SLC24A2: variants seen among roughly 807,000 people sequenced by gnomAD.
SLC24A2 encodes the protein solute carrier family 24 member 2.
Under a neutral mutation model 62.0 loss-of-function variants are expected in SLC24A2, and 36 were observed. The observed-to-expected ratio is 0.58, with a 90% CI of 0.44 to 0.77. SLC24A2 has a LOEUF of 0.77. Ranked by LOEUF, SLC24A2 falls within the 30% of genes least tolerant of loss-of-function variation. SLC24A2 has a pLI of 0.00. For missense variants in SLC24A2, 846 were observed against 817.9 expected (o/e 1.03, Z -0.42); for synonymous variants, 358 against 294.0 (o/e 1.22, Z -2.23).
chr9:20,191,942 A>T, the SLC24A2 span, among the ~76,000 whole-genome samples: 2 of 152,146 alleles, frequency 1.3e-5, no homozygotes, highest in Non-Finnish European at 2.9e-5. Flanking sequence ...ACCCATGAAG[A>T]TAAGATGCTA....
chr9:20,292,839 C>T, the SLC24A2 span, among the ~76,000 whole-genome samples: 1 of 152,238 alleles, frequency 6.6e-6, no homozygotes, highest in Non-Finnish European at 1.5e-5. Flanking sequence ...ATCCTCCTGC[C>T]TTGGCCTCCC....
At chr9:20,299,581 G>C in the SLC24A2 span, among the ~76,000 whole-genome samples, 1 of 152,206 alleles carries the variant, frequency 6.6e-6, no homozygotes, top group Non-Finnish European at 1.5e-5. Flanking sequence ...GGAAGGGGAG[G>C]TTCCTTATGA....
the SLC24A2 span, among the ~76,000 whole-genome samples, chr9:20,189,022 T>A: frequency 6.6e-6 from 1 of 152,028 alleles, no homozygotes; most frequent in African/African-American, 2.4e-5. Context: ...TTACCCAAGC[T>A]AAACTCCCAC....
chr9:20,203,696 GAAGAAGA>G, the SLC24A2 span, among the ~76,000 whole-genome samples: 28 of 149,742 alleles, frequency 1.9e-4, no homozygotes, highest in Admixed American at 7.9e-4. Context: ...AAAAAAAAAA[GAAGAAGA>G]AAGAAGAAAG....
At chr9:20,234,945 G>T in the SLC24A2 span, among the ~76,000 whole-genome samples, 1 of 152,220 alleles carries the variant, frequency 6.6e-6, no homozygotes, top group East Asian at 1.9e-4. Flanking sequence ...CCTTCTAACA[G>T]ACAGGACCCT....
the SLC24A2 span, among the ~76,000 whole-genome samples, chr9:20,013,894 A>G: frequency 0.73 from 110,361 of 152,052 alleles, 40,195 homozygotes; most frequent in Admixed American, 0.8. Flanking sequence ...CCTCAAATCT[A>G]TTCAAATGGT....
chr9:20,108,164 G>A, the SLC24A2 span, among the ~76,000 whole-genome samples: 4 of 152,176 alleles, frequency 2.6e-5, 1 homozygote, highest in Non-Finnish European at 5.9e-5. Flanking sequence ...TCTCACACCA[G>A]TTAGAATGGC....
At chr9:19,662,381 G>A (rs1398915418) in intron 2 of SLC24A2, among the ~76,000 whole-genome samples, 2 of 152,134 alleles carry the variant, frequency 1.3e-5, no homozygotes, top group Admixed American at 6.5e-5. Context: ...ATTGGATAGC[G>A]CAACACTGGA....
At chr9:20,088,853 G>A in the SLC24A2 span, among the ~76,000 whole-genome samples, 3 of 152,220 alleles carry the variant, frequency 2.0e-5, no homozygotes, top group African/African-American at 7.2e-5. Flanking sequence ...CCCAGAGGGA[G>A]AGGCAGGCTA....
chr9:20,089,729 CT>C, the SLC24A2 span, among the ~76,000 whole-genome samples: 1 of 150,878 alleles, frequency 6.6e-6, no homozygotes, highest in Admixed American at 6.6e-5. Context: ...AGTTCTATCC[CT>C]GCTACCTTTG....
At chr9:19,573,203 G>A (rs941173675) in intron 7 of SLC24A2, 148 bp downstream of exon 7, 2 of 616,940 alleles carry the variant, frequency 3.2e-6, no homozygotes, top group African/African-American at 3.7e-5. Context: ...GGTGGCACTG[G>A]GAAATACACA....
At chr9:20,283,059 C>T in the SLC24A2 span, among the ~76,000 whole-genome samples, 1 of 152,220 alleles carries the variant, frequency 6.6e-6, no homozygotes, top group Non-Finnish European at 1.5e-5. Context: ...TAAGTCACAG[C>T]TTCTTCCTAT....
chr9:20,046,586 C>T, the SLC24A2 span, among the ~76,000 whole-genome samples: 1 of 152,162 alleles, frequency 6.6e-6, no homozygotes, highest in African/African-American at 2.4e-5. Flanking sequence ...CTTGAGTGTG[C>T]ACAATGTGTT....
rs1180251026 is a variant in SLC24A2, at chr9:19,509,838, C to A, written c.*6315G>T. 1 of 152,106 alleles carries A rather than the reference C, an allele frequency of 6.6e-6. No individual in the cohort carries two copies. The highest frequency in any genetic ancestry group is 1.5e-5 in the Non-Finnish European group (1 of 68,030). 9.4% of individuals were successfully genotyped at this position (152,106 alleles called of 1,614,324 possible). On this transcript the variant is annotated 3_prime_UTR_variant, in exon 11 of 11. Transcript: ENST00000341998. ...GGATCCATTATGAAGGAATATGCAA[C>A]CCAATATGTAAGAATGCAGAAACAA...
the SLC24A2 span, among the ~76,000 whole-genome samples, chr9:19,915,440 G>A: frequency 1.2e-3 from 179 of 152,094 alleles, 1 homozygote; most frequent in Middle Eastern, 0.02. Flanking sequence ...ATTCTCTTGG[G>A]CATATACCTA....
the SLC24A2 span, among the ~76,000 whole-genome samples, chr9:20,138,766 G>T: frequency 8.5e-5 from 13 of 152,122 alleles, no homozygotes; most frequent in African/African-American, 1.7e-4. Context: ...TCGCTAGAAG[G>T]TTAACTCACC....
the SLC24A2 span, among the ~76,000 whole-genome samples, chr9:20,138,373 GC>G: frequency 6.6e-6 from 1 of 152,082 alleles, no homozygotes; most frequent in African/African-American, 2.4e-5. Flanking sequence ...ATTTTTAAGA[GC>G]CATTTGTTTT....
At chr9:20,244,052 C>A in the SLC24A2 span, among the ~76,000 whole-genome samples, 10 of 152,136 alleles carry the variant, frequency 6.6e-5, no homozygotes, top group Non-Finnish European at 1.3e-4. Flanking sequence ...CAGGGCAGCC[C>A]ATGCAGGATG....
At chr9:19,644,592 C>T (rs1048624353) in intron 2 of SLC24A2, among the ~76,000 whole-genome samples, 3 of 152,176 alleles carry the variant, frequency 2.0e-5, no homozygotes, top group Non-Finnish European at 2.9e-5. Flanking sequence ...TCTAATTTAT[C>T]GTGCTGCCCT....
Sources: gnomAD v4.1 joint callset for allele counts (sites outside exome capture counted in the v4.1 genomes callset) on GRCh38, gnomAD v4.1.1 for gene constraint, MANE v1.5 for transcripts, NCBI Gene and HGNC (gene_info 2026-07-23, HGNC 2026-07-21) for gene names.